The following CD55 variants were observed in gnomAD, a reference collection of about 807,000 sequenced individuals.
CD55 encodes the protein CD55 molecule (Cromer blood group).
CD55 carries 41 observed loss-of-function variants against 45.8 expected under a neutral mutation model. The ratio of observed to expected loss-of-function variants is 0.90; its 90% CI spans 0.70 to 1.16. The LOEUF (loss-of-function observed/expected upper bound fraction) is 1.16, where lower values mean the gene tolerates loss of function less well. CD55 is among the 50% of genes most tolerant of loss of function. CD55 has a pLI of 0.00. For missense variants in CD55, 416 were observed against 469.8 expected (o/e 0.89, Z 1.06); for synonymous variants, 181 against 181.1 (o/e 1.00, Z 0.01).
intron 6 of CD55, among the ~76,000 whole-genome samples, chr1:207,335,370 T>C (rs1285755338): frequency 6.6e-6 from 1 of 152,178 alleles, no homozygotes; most frequent in Non-Finnish European, 1.5e-5. Flanking sequence ...TTTGCTGGGC[T>C]CTAAGCTACA....
intron 9 of CD55, among the ~76,000 whole-genome samples, chr1:207,357,185 A>AG: frequency 6.6e-6 from 1 of 152,300 alleles, no homozygotes; most frequent in Middle Eastern, 3.4e-3. Flanking sequence ...CATTAGGTCC[A>AG]GGGGAGTGAT....
At chr1:207,352,415 G>A (rs1289216493) in intron 9 of CD55, among the ~76,000 whole-genome samples, 1 of 151,718 alleles carries the variant, frequency 6.6e-6, no homozygotes, top group Non-Finnish European at 1.5e-5. Context: ...ACTTTCATCA[G>A]GTATCACCCC....
chr1:207,354,035 T>C, intron 9 of CD55: 2 of 1,535,692 alleles, frequency 1.3e-6, no homozygotes, highest in Non-Finnish European at 1.7e-6. Flanking sequence ...TTGAAGTGTC[T>C]GGGTCATCCC....
At chr1:207,337,625 T>G in intron 8 of CD55, 2 of 391,980 alleles carry the variant, frequency 5.1e-6, no homozygotes, top group Non-Finnish European at 4.5e-6. Flanking sequence ...AAAAAGACTG[T>G]GGCCCCATTA....
At chr1:207,357,502 A>G (rs371616149) in intron 9 of CD55, among the ~76,000 whole-genome samples, 5 of 139,718 alleles carry the variant, frequency 3.6e-5, no homozygotes, top group African/African-American at 1.1e-4. Flanking sequence ...TGTATAGAGT[A>G]TTATCAATTT....
At chr1:207,333,120 T>A (rs1216095223) in intron 6 of CD55, among the ~76,000 whole-genome samples, 1 of 152,204 alleles carries the variant, frequency 6.6e-6, no homozygotes, top group Non-Finnish European at 1.5e-5. Flanking sequence ...GCTTCTAAAG[T>A]ACAAAATGAA....
chr1:207,326,850 A>C lies in CD55; in HGVS notation c.664+13A>C, dbSNP rs779388813. ...CCAGAGTGCAGAGGTAAGAGTTAAA[A>C]AATCTAAGCACTCAGATTGTGAGGC... is the stretch of plus-strand genomic sequence containing the variant. On this transcript the variant is annotated intron_variant, in intron 5 of 9. Coordinates refer to ENST00000367064, the MANE Select transcript of CD55 (RefSeq NM_000574.5). 1.1e-5 allele frequency: 17 copies of C among 1,582,250 alleles called. No individual in the cohort carries two copies. The highest frequency in any genetic ancestry group is 8.4e-5 in the Admixed American group (5 of 59,578).
chr1:207,335,661 C>A (rs1655140133), intron 6 of CD55, among the ~76,000 whole-genome samples: 1 of 152,042 alleles, frequency 6.6e-6, no homozygotes, highest in African/African-American at 2.4e-5. Flanking sequence ...CTGCTAAATG[C>A]TGTTACCTGC....
intron 6 of CD55, among the ~76,000 whole-genome samples, chr1:207,335,270 CAT>C (rs1160405675): frequency 1.3e-5 from 2 of 152,114 alleles, no homozygotes; most frequent in African/African-American, 4.8e-5. Flanking sequence ...AACAATTAAA[CAT>C]ATATACATAT....
intron 6 of CD55, among the ~76,000 whole-genome samples, chr1:207,335,183 T>C (rs766262608): frequency 3.8e-5 from 3 of 79,646 alleles, no homozygotes; most frequent in Non-Finnish European, 8.1e-5. Flanking sequence ...TACACACTCA[T>C]AGTTAGAAAA....
chr1:207,333,804 G>A (rs1655051994), intron 6 of CD55, among the ~76,000 whole-genome samples: 1 of 152,098 alleles, frequency 6.6e-6, no homozygotes, highest in Non-Finnish European at 1.5e-5. Context: ...ATTAGGAACT[G>A]AAAGATCGGT....
chr1:207,322,813 A>G (rs1192505999), intron 2 of CD55, among the ~76,000 whole-genome samples: 1 of 152,216 alleles, frequency 6.6e-6, no homozygotes, highest in African/African-American at 2.4e-5. Flanking sequence ...GAGAAAATAA[A>G]CAATAGGTAT....
rs1206003765 is a variant in CD55 at position 207,331,097 on chromosome 1, T to C, written c.665-11T>C. 1 of 1,583,580 alleles carries C rather than the reference T, an allele frequency of 6.3e-7. No individual in the cohort carries two copies. The highest frequency in any genetic ancestry group is 8.6e-7 in the Non-Finnish European group (1 of 1,161,684). On this transcript the variant is annotated splice_polypyrimidine_tract_variant and intron_variant, in intron 5 of 9. Coordinates refer to ENST00000367064, the MANE Select transcript of CD55 (RefSeq NM_000574.5). ...TTATTTATTTAAAAGATGTTGGAAT[T>C]GTTTTTTAAGAAATTTATTGTCCAG...
chr1:207,341,452 G>T (rs1040098441), intron 9 of CD55, among the ~76,000 whole-genome samples: 5 of 151,956 alleles, frequency 3.3e-5, no homozygotes, highest in African/African-American at 1.2e-4. Context: ...ACATGGTGAG[G>T]GGCAGAGGTC....
At position 207,321,700 on chromosome 1, in the gene CD55, G is replaced by A; in HGVS notation, c.-66G>A. 1.6e-6 allele frequency: 2 copies of A among 1,231,724 alleles called. No homozygotes were observed. Among genetic ancestry groups the A allele is most frequent in the Non-Finnish European group, 2.2e-6 (2 of 911,620 alleles). 76.3% of individuals were successfully genotyped at this position (1,231,724 alleles called of 1,614,324 possible). A position where few individuals can be genotyped will look rare whatever the true frequency, so the allele number is the denominator to read the frequency against. The stretch of plus-strand genomic sequence containing the variant: ...CTTCTGCTTACTGCAACTCGCTCCG[G>A]CCGCTGGGCGTAGCTGCGACTCGGC... On this transcript the variant is annotated 5_prime_UTR_variant, in exon 1 of 10. Coordinates refer to ENST00000367064, the MANE Select transcript of CD55 (RefSeq NM_000574.5).
intron 9 of CD55, among the ~76,000 whole-genome samples, chr1:207,345,345 A>T (rs1655589506): frequency 6.6e-6 from 1 of 151,980 alleles, no homozygotes; most frequent in South Asian, 2.1e-4. Flanking sequence ...TTTCAAGTAT[A>T]TTATGTATTT....
chr1:207,321,707 G>A lies in CD55; in HGVS notation c.-59G>A. On this transcript the variant is annotated 5_prime_UTR_variant, in exon 1 of 10. Coordinates refer to ENST00000367064, the MANE Select transcript of CD55 (RefSeq NM_000574.5). ...TTACTGCAACTCGCTCCGGCCGCTG[G>A]GCGTAGCTGCGACTCGGCGGAGTCC... 1 of 1,289,660 alleles carries A rather than the reference G, an allele frequency of 7.8e-7. No individual in the cohort carries two copies. Among genetic ancestry groups the A allele is most frequent in the Non-Finnish European group, 1.0e-6 (1 of 961,394 alleles). The allele number at this position is 1,289,660 out of a possible 1,614,324, so 79.9% of individuals were successfully genotyped here.
chr1:207,339,614 C>T (rs575138440), intron 9 of CD55, among the ~76,000 whole-genome samples, 197 bp downstream of exon 9: 2 of 152,214 alleles, frequency 1.3e-5, no homozygotes, highest in East Asian at 3.9e-4. Flanking sequence ...TATACTCGCT[C>T]GGATTCAGCA....
At chr1:207,340,738 G>C in intron 9 of CD55, 1 of 465,448 alleles carries the variant, frequency 2.1e-6, no homozygotes, top group Non-Finnish European at 3.8e-6. Context: ...ATTGTGAATA[G>C]TGCTTCAATA....
Sources: allele counts gnomAD v4.1 joint callset (sites outside exome capture counted in the v4.1 genomes callset), GRCh38; gene constraint gnomAD v4.1.1; transcripts MANE v1.5; gene names NCBI Gene and HGNC (gene_info 2026-07-23, HGNC 2026-07-21).